Variants in ARHGEF3 observed in about 807,000 individuals in gnomAD.
ARHGEF3 encodes Rho guanine nucleotide exchange factor 3.
In ARHGEF3, 28 loss-of-function variants were observed where a neutral mutation model predicts 63.2. That is an observed-to-expected ratio of 0.44 (90% CI 0.33 to 0.61). ARHGEF3 has a LOEUF of 0.61. Ranked by LOEUF, ARHGEF3 falls within the 20% of genes least tolerant of loss-of-function variation. The pLI is 0.03. For synonymous variants in ARHGEF3, 266 were observed against 254.2 expected (o/e 1.05, Z -0.44); for missense variants, 533 against 659.3 (o/e 0.81, Z 2.10).
At chr3:57,046,339 G>T (rs1704453679) in intron 1 of ARHGEF3, among the ~76,000 whole-genome samples, 1 of 152,190 alleles carries the variant, frequency 6.6e-6, no homozygotes, top group South Asian at 2.1e-4. Flanking sequence ...TGACTCCCGG[G>T]TCCAGACCTC....
At chr3:56,980,682 C>G (rs1480193206) in intron 2 of ARHGEF3, among the ~76,000 whole-genome samples, 1 of 152,242 alleles carries the variant, frequency 6.6e-6, no homozygotes, top group Admixed American at 6.5e-5. Flanking sequence ...GCACCACTAC[C>G]AACAGTAGTC....
intron 3 of ARHGEF3, among the ~76,000 whole-genome samples, chr3:56,932,915 C>G (rs2042450819): frequency 6.6e-6 from 1 of 152,176 alleles, no homozygotes; most frequent in Non-Finnish European, 1.5e-5. Flanking sequence ...CTTCTTTTAT[C>G]CTTCCAAACA....
chr3:57,052,586 C>A (rs1704723003), intron 1 of ARHGEF3, among the ~76,000 whole-genome samples: 1 of 151,896 alleles, frequency 6.6e-6, no homozygotes, highest in South Asian at 2.1e-4. Flanking sequence ...CGTGAGCCAC[C>A]CCACTCAGCC....
At chr3:57,002,479 T>TTATATATATATATATTTTATATATA (rs1560122743) in intron 2 of ARHGEF3, among the ~76,000 whole-genome samples, 1 of 39,472 alleles carries the variant, frequency 2.5e-5, no homozygotes, top group Non-Finnish European at 4.1e-5. Context: ...TATATATATG[T>TTATATATATATATATTTTATATATA]TATATATATA....
chr3:56,830,231 G>C (rs904630135), intron 4 of ARHGEF3, among the ~76,000 whole-genome samples: 2 of 152,176 alleles, frequency 1.3e-5, no homozygotes, highest in African/African-American at 4.8e-5. Context: ...CAGTGACGAT[G>C]ATGGCTGGAG....
intron 9 of ARHGEF3, among the ~76,000 whole-genome samples, chr3:56,730,354 G>T (rs991715774): frequency 6.6e-6 from 1 of 151,452 alleles, no homozygotes; most frequent in Admixed American, 6.6e-5. Context: ...AAAAAAAAAT[G>T]GTAGTCCACA....
intron 3 of ARHGEF3, among the ~76,000 whole-genome samples, chr3:56,910,725 T>G (rs1261717153): frequency 6.6e-6 from 1 of 152,182 alleles, no homozygotes; most frequent in South Asian, 2.1e-4. Context: ...TATGTGGATA[T>G]GAAAAATGTG....
chr3:56,977,648 G>A (rs577705972), intron 2 of ARHGEF3, among the ~76,000 whole-genome samples: 28 of 152,266 alleles, frequency 1.8e-4, no homozygotes, highest in African/African-American at 6.3e-4. Flanking sequence ...TGGAGAGATG[G>A]TGCAGAGAAA....
At chr3:56,746,243 C>T (rs2034374369) in intron 6 of ARHGEF3, among the ~76,000 whole-genome samples, 1 of 152,212 alleles carries the variant, frequency 6.6e-6, no homozygotes, top group South Asian at 2.1e-4. Context: ...GCCCTAGTCC[C>T]TTGTAACACC....
intron 3 of ARHGEF3, among the ~76,000 whole-genome samples, chr3:56,952,486 C>T (rs1699857785): frequency 6.6e-6 from 1 of 152,140 alleles, no homozygotes; most frequent in African/African-American, 2.4e-5. Flanking sequence ...CCACAGAACT[C>T]CAAGCTAGTG....
chr3:56,874,576 T>A (rs1467849728), intron 4 of ARHGEF3, among the ~76,000 whole-genome samples: 1 of 152,214 alleles, frequency 6.6e-6, no homozygotes, highest in Non-Finnish European at 1.5e-5. Context: ...AAAGCTTTTT[T>A]CCCCCTCTTC....
chr3:56,737,201 T>G lies in ARHGEF3; in HGVS notation c.1025A>C (p.Lys342Thr). 1 of 1,613,920 alleles carries G rather than the reference T, an allele frequency of 6.2e-7. No individual in the cohort carries two copies. Among genetic ancestry groups the G allele is most frequent in the Non-Finnish European group, 8.5e-7 (1 of 1,179,884 alleles). Residue 342 changes from lysine to threonine, a missense_variant, in exon 8 of 10, where the codon AAG becomes ACG. By Grantham distance (78) the Lys-to-Thr change is moderately conservative. Coordinates refer to ENST00000296315, the MANE Select transcript of ARHGEF3 (RefSeq NM_019555.3). ...SRVLCCHGEL[K>T]NNRGVKLHVF... ...ACTACTTACCACGCCCCGATTGTTC[T>G]TCAGTTCACCATGACAACACAAGAC...
intron 3 of ARHGEF3, among the ~76,000 whole-genome samples, chr3:56,927,032 AAAGG>A (rs1260880579): frequency 6.6e-6 from 1 of 152,210 alleles, no homozygotes; most frequent in African/African-American, 2.4e-5. Flanking sequence ...GACCAGAAAT[AAAGG>A]AAGGCAGTTT....
chr3:56,998,642 A>T (rs1463224845), intron 2 of ARHGEF3, among the ~76,000 whole-genome samples: 1 of 152,166 alleles, frequency 6.6e-6, no homozygotes, highest in East Asian at 1.9e-4. Flanking sequence ...CTGCCTTCCC[A>T]AACACCACAG....
At chr3:56,733,611 T>C in intron 8 of ARHGEF3, among the ~76,000 whole-genome samples, 1 of 152,132 alleles carries the variant, frequency 6.6e-6, no homozygotes, top group East Asian at 1.9e-4. Context: ...ACAAAGTCAT[T>C]ATCAGCTTTA....
At chr3:56,845,114 G>A (rs927705583) in intron 4 of ARHGEF3, among the ~76,000 whole-genome samples, 1 of 149,898 alleles carries the variant, frequency 6.7e-6, no homozygotes, top group African/African-American at 2.4e-5. Flanking sequence ...GAAGCCCTCA[G>A]TCCTTCAACC....
chr3:56,760,049 T>C (rs1448086370), intron 2 of ARHGEF3, among the ~76,000 whole-genome samples: 1 of 152,220 alleles, frequency 6.6e-6, no homozygotes, highest in South Asian at 2.1e-4. Flanking sequence ...GACATTAAAA[T>C]TGTTTCCAGT....
chr3:56,904,270 A>C (rs930040892), intron 3 of ARHGEF3, among the ~76,000 whole-genome samples: 1 of 152,176 alleles, frequency 6.6e-6, no homozygotes, highest in Non-Finnish European at 1.5e-5. Context: ...GGGCTCAGGC[A>C]ATCCTCCCAC....
chr3:56,805,628 A>G (rs2037837362), upstream of ARHGEF3, among the ~76,000 whole-genome samples: 1 of 152,238 alleles, frequency 6.6e-6, no homozygotes, highest in African/African-American at 2.4e-5. Flanking sequence ...TGCCGTATCC[A>G]TCTTCTCTTA....
Sources: allele counts gnomAD v4.1 joint callset (sites outside exome capture counted in the v4.1 genomes callset), GRCh38; gene constraint gnomAD v4.1.1; transcripts MANE v1.5; gene names NCBI Gene and HGNC (gene_info 2026-07-23, HGNC 2026-07-21).